The following CCDC80 variants were observed in gnomAD, a reference collection of about 807,000 sequenced individuals.
CCDC80 encodes coiled-coil domain containing 80, also known as coiled-coil domain-containing protein 80.
Under a neutral mutation model 78.7 loss-of-function variants are expected in CCDC80, and 49 were observed. The ratio of observed to expected loss-of-function variants is 0.62; its 90% CI spans 0.50 to 0.79. The LOEUF (loss-of-function observed/expected upper bound fraction) is 0.79, where lower values mean the gene tolerates loss of function less well. CCDC80 is among the 30% of genes least tolerant of loss of function. The pLI, the probability that CCDC80 is intolerant of heterozygous loss-of-function variation, is 0.00. For synonymous variants in CCDC80, 488 were observed against 447.0 expected, an observed-to-expected ratio of 1.09 and a Z score of -1.16; for missense variants, 1,205 against 1,198.6, an observed-to-expected ratio of 1.01 and a Z score of -0.08.
At chr3:112,615,517 G>A (rs6804116) in intron 5 of CCDC80, among the ~76,000 whole-genome samples, 67,979 of 151,692 alleles carry the variant, frequency 0.45, 15,752 homozygotes, top group East Asian at 0.64. Flanking sequence ...GGAGGGGAGG[G>A]GAAGGGAGAA....
At chr3:112,616,262 GA>G (rs996523002) in intron 5 of CCDC80, among the ~76,000 whole-genome samples, 1 of 152,052 alleles carries the variant, frequency 6.6e-6, no homozygotes, top group Admixed American at 6.5e-5. Context: ...TGCAGAGTTG[GA>G]AGGAAGCGGA....
intron 7 of CCDC80, among the ~76,000 whole-genome samples, 198 bp from the exon 8 acceptor site, chr3:112,605,961 G>A (rs191701377): frequency 6.6e-6 from 1 of 152,320 alleles, no homozygotes; most frequent in East Asian, 1.9e-4. Context: ...AACACGATTA[G>A]GGTCAAACTT....
In CCDC80 at chr3:112,639,553, A is replaced by T. The variant is rs1249524540; in HGVS notation, c.353T>A (p.Ile118Asn). The T allele has an allele frequency of 1.9e-6, 3 of 1,614,138 alleles. No homozygotes were observed. The highest frequency in any genetic ancestry group is 2.5e-6 in the Non-Finnish European group (3 of 1,180,020). Residue 118 changes from isoleucine to asparagine, a missense_variant, in exon 2 of 8, where the codon ATC becomes AAC. Ile to Asn is a moderately radical substitution (Grantham distance 149, BLOSUM62 -3). Coordinates refer to ENST00000206423, the MANE Select transcript of CCDC80 (RefSeq NM_199511.3). Reference protein sequence around the residue: ...PAARGSPREMIRDEGSSARSR... With the variant: ...PAARGSPREMNRDEGSSARSR... ...CCGAGCTGAGGACCCCTCATCTCTGATCATCTCACGCGGAGAGCCCCTGGC... is the reference window on the plus strand; with the variant it reads ...CCGAGCTGAGGACCCCTCATCTCTGTTCATCTCACGCGGAGAGCCCCTGGC...
At position 112,606,261 on chromosome 3, in the gene CCDC80, G is replaced by T. The variant is rs59973557; in HGVS notation, c.2507-498C>A. Among the ~76,000 whole-genome samples the T allele has an allele frequency of 2.5e-3, 385 of 152,342 alleles. 2 individuals are homozygous for T. Among genetic ancestry groups the T allele is most frequent in the Middle Eastern group, 0.01 (3 of 294 alleles). On this transcript the variant is annotated intron_variant, in intron 7 of 7. Coordinates refer to ENST00000206423, the MANE Select transcript of CCDC80 (RefSeq NM_199511.3). Reference sequence around the variant, plus strand: ...TGTGAATAGTGAAAAGAATAGAGGGGAAGGAGAAAAGGAGCTGACACTTTC... The same window carrying T: ...TGTGAATAGTGAAAAGAATAGAGGGTAAGGAGAAAAGGAGCTGACACTTTC...
chr3:112,616,408 A>G (rs1408540753), intron 5 of CCDC80, among the ~76,000 whole-genome samples: 3 of 146,638 alleles, frequency 2.0e-5, no homozygotes, highest in African/African-American at 7.6e-5. Context: ...GGAGGTCAGG[A>G]TTCTATATTC....
At chr3:112,610,689 CTATTATTAATAAGCGCCAATGCT>C (rs60206387) in intron 5 of CCDC80, among the ~76,000 whole-genome samples, 25,063 of 151,982 alleles carry the variant, frequency 0.16, 4,903 homozygotes, top group African/African-American at 0.47. Flanking sequence ...AAAATGTACC[CTATTATTAATAAGCGCCAATGCT>C]TACAAAGTAC....
rs1004400193 is a variant in CCDC80 at position 112,600,520 on chromosome 3, T to A, written c.*4897A>T. The A allele has an allele frequency of 7.0e-6, 1 of 142,830 alleles. No individual in the cohort carries two copies. Among genetic ancestry groups the A allele is most frequent in the Non-Finnish European group, 1.5e-5 (1 of 67,848 alleles). 8.8% of individuals were successfully genotyped at this position (142,830 alleles called of 1,614,324 possible). On this transcript the variant is annotated 3_prime_UTR_variant, in exon 8 of 8. Transcript: ENST00000206423. The stretch of plus-strand genomic sequence containing the variant: ...TCTTTTTTTTGGTGGGGAGACAGGG[T>A]CTCACTTTGTCACCCAGGATGATGA...
chr3:112,632,842 C>T (rs1418368162), intron 2 of CCDC80, among the ~76,000 whole-genome samples: 1 of 152,210 alleles, frequency 6.6e-6, no homozygotes, highest in African/African-American at 2.4e-5. Context: ...CCTCCACGTT[C>T]TGGCCCCGGG....
chr3:112,617,150 A>G (rs1166795134), intron 4 of CCDC80, among the ~76,000 whole-genome samples: 1 of 152,098 alleles, frequency 6.6e-6, no homozygotes, highest in Non-Finnish European at 1.5e-5. Context: ...TCACCTCTCT[A>G]CCTTTGGGAC....
intron 2 of CCDC80, among the ~76,000 whole-genome samples, chr3:112,637,678 C>T (rs1936233672): frequency 6.6e-6 from 1 of 152,152 alleles, no homozygotes; most frequent in Non-Finnish European, 1.5e-5. Context: ...TAAAAGAGAG[C>T]TTTGTCCAGA....
intron 4 of CCDC80, among the ~76,000 whole-genome samples, chr3:112,618,393 G>C (rs890377282): frequency 3.9e-5 from 6 of 152,016 alleles, no homozygotes; most frequent in African/African-American, 1.5e-4. Context: ...GTGTGGTGGC[G>C]GGTGCTTACT....
Position 112,634,972 on chromosome 3 carries a change from CCA to C in CCDC80, c.1878+3054_1878+3055del, listed in dbSNP as rs146504306. 6.8e-3 allele frequency among the ~76,000 whole-genome samples: 1,031 copies of C among 152,264 alleles called. 14 individuals are homozygous for C. The highest frequency in any genetic ancestry group is 0.024 in the African/African-American group (979 of 41,536). On this transcript the variant is annotated intron_variant, in intron 2 of 7. Coordinates refer to ENST00000206423, the MANE Select transcript of CCDC80 (RefSeq NM_199511.3). ...TTGAGGGATTGTTTTGAGAATTAAA[CCA>C]CACAGTCTTGGCAAAGTACCTTGCA...
Position 112,640,623 on chromosome 3 carries a change from T to C in CCDC80, c.-308A>G, listed in dbSNP as rs77557206. The C allele has an allele frequency of 6.6e-6, 1 of 152,512 alleles. No homozygotes were observed. The highest frequency in any genetic ancestry group is 1.9e-4 in the East Asian group (1 of 5,192). 9.4% of individuals were successfully genotyped at this position (152,512 alleles called of 1,614,324 possible). On this transcript the variant is annotated 5_prime_UTR_variant, in exon 1 of 8. Coordinates refer to ENST00000206423, the MANE Select transcript of CCDC80 (RefSeq NM_199511.3). ...TCCTTCTAAGTCTTTGTATCTCCAT[T>C]TGTCTGCAGTTTCTCCTCGGTCTCG... is the stretch of plus-strand genomic sequence containing the variant.
Position 112,604,522 on chromosome 3 carries a change from T to G in CCDC80, c.*895A>C, listed in dbSNP as rs572581672. ...ATACACTTAATAGACTACTAAAGAG[T>G]GTAAACATAACTTTTATATGCACTG... is the stretch of plus-strand genomic sequence containing the variant. On this transcript the variant is annotated 3_prime_UTR_variant, in exon 8 of 8. Coordinates refer to ENST00000206423, the MANE Select transcript of CCDC80 (RefSeq NM_199511.3). 1 of 152,226 alleles carries G rather than the reference T, an allele frequency of 6.6e-6. No homozygotes were observed. The highest frequency in any genetic ancestry group is 2.1e-4 in the South Asian group (1 of 4,818). The allele number at this position is 152,226 out of a possible 1,614,324, so 9.4% of individuals were successfully genotyped here.
At chr3:112,616,579 T>G in intron 5 of CCDC80, 131 bp downstream of exon 5, 1 of 988,160 alleles carries the variant, frequency 1.0e-6, no homozygotes, top group Non-Finnish European at 1.5e-6. Flanking sequence ...TGGCCAGAGA[T>G]GGGTAGGTTT....
rs546023641 is a variant in CCDC80, at chr3:112,600,571, G to A, written c.*4846C>T. ...TGATGGAGTGCTGTGGCACGATCACGGCACACTGAAGCCTCGACCTCCTAG... is the reference window on the plus strand; with the variant it reads ...TGATGGAGTGCTGTGGCACGATCACAGCACACTGAAGCCTCGACCTCCTAG... On this transcript the variant is annotated 3_prime_UTR_variant, in exon 8 of 8. Coordinates refer to ENST00000206423, the MANE Select transcript of CCDC80 (RefSeq NM_199511.3). 1.2e-4 allele frequency: 18 copies of A among 152,116 alleles called. No homozygotes were observed. Among genetic ancestry groups the A allele is most frequent in the African/African-American group, 3.6e-4 (15 of 41,468 alleles). The allele number at this position is 152,116 out of a possible 1,614,324, so 9.4% of individuals were successfully genotyped here. A position where few individuals can be genotyped will look rare whatever the true frequency, so the allele number is the denominator to read the frequency against.
At chr3:112,632,369 T>C (rs1451401969) in intron 2 of CCDC80, among the ~76,000 whole-genome samples, 1 of 152,168 alleles carries the variant, frequency 6.6e-6, no homozygotes, top group Non-Finnish European at 1.5e-5. Flanking sequence ...TATTCTAAAT[T>C]AAGGATAAGC....
chr3:112,605,372 C>G lies in CCDC80; in HGVS notation c.*45G>C, dbSNP rs759770953. 1 of 1,362,878 alleles carries G rather than the reference C, an allele frequency of 7.3e-7. No homozygotes were observed. 84.4% of individuals were successfully genotyped at this position (1,362,878 alleles called of 1,614,324 possible). ...TGGAGCTGGCCACATGTAGTTTTAGCAGCTGCAGAGGAAACTGGCTGAGTC... is the reference window on the plus strand; with the variant it reads ...TGGAGCTGGCCACATGTAGTTTTAGGAGCTGCAGAGGAAACTGGCTGAGTC... On this transcript the variant is annotated 3_prime_UTR_variant, in exon 8 of 8. Coordinates refer to ENST00000206423, the MANE Select transcript of CCDC80 (RefSeq NM_199511.3).
intron 2 of CCDC80, among the ~76,000 whole-genome samples, chr3:112,634,410 A>G (rs1317237223): frequency 6.6e-6 from 1 of 152,182 alleles, no homozygotes; most frequent in Non-Finnish European, 1.5e-5. Context: ...AGAGCGCAGA[A>G]TGATGGCTTC....
Sources: gnomAD v4.1 joint callset for allele counts (sites outside exome capture counted in the v4.1 genomes callset) on GRCh38, gnomAD v4.1.1 for gene constraint, MANE v1.5 for transcripts, NCBI Gene and HGNC (gene_info 2026-07-23, HGNC 2026-07-21) for gene names.